The following ROBO2 variants were observed in gnomAD, a reference collection of about 807,000 sequenced individuals.
The protein encoded by ROBO2 is roundabout guidance receptor 2.
ROBO2 carries 53 observed loss-of-function variants against 160.8 expected under a neutral mutation model. That is an observed-to-expected ratio of 0.33 (90% CI 0.26 to 0.41). The LOEUF (loss-of-function observed/expected upper bound fraction) is 0.41, where lower values mean the gene tolerates loss of function less well. Ranked by LOEUF, ROBO2 falls within the 10% of genes least tolerant of loss-of-function variation. The pLI, the probability that ROBO2 is intolerant of heterozygous loss-of-function variation, is 1.00. For synonymous variants in ROBO2, 664 were observed against 611.7 expected, an observed-to-expected ratio of 1.09 and a Z score of -1.26; for missense variants, 1,577 against 1,722.4, an observed-to-expected ratio of 0.92 and a Z score of 1.49.
rs1395957905 is a variant in ROBO2 at position 77,016,177 on chromosome 3, C to T, written c.110-81837C>T. 3.3e-5 allele frequency among the ~76,000 whole-genome samples: 5 copies of T among 152,114 alleles called. No homozygotes were observed. In the East Asian group the frequency reaches 5.8e-4, roughly 18 times the overall value. On this transcript the variant is annotated intron_variant, in intron 2 of 26. Coordinates refer to the ROBO2 transcript ENST00000487694. ...ATTTTTAGTAGAGACGGGGTTTCAC[C>T]GTGTTAGCCAGGATGGTCTCCATCT...
At chr3:76,555,168 G>C (rs2083631552) in intron 2 of ROBO2, among the ~76,000 whole-genome samples, 1 of 151,946 alleles carries the variant, frequency 6.6e-6, no homozygotes, top group East Asian at 1.9e-4. Flanking sequence ...TCTATTCTAT[G>C]CAAACAATTT....
At chr3:77,297,450 G>A (rs898314941) in intron 2 of ROBO2, among the ~76,000 whole-genome samples, 1 of 152,088 alleles carries the variant, frequency 6.6e-6, no homozygotes, top group Non-Finnish European at 1.5e-5. Context: ...ACACCTTGAG[G>A]TATTTGCTTA....
chr3:76,309,047 G>T (rs1021588071), intron 2 of ROBO2, among the ~76,000 whole-genome samples: 1 of 151,970 alleles, frequency 6.6e-6, no homozygotes, highest in African/African-American at 2.4e-5. Context: ...AAAGGGCCAA[G>T]ACATTTTTTT....
chr3:77,248,348 A>T (rs2089967080), intron 2 of ROBO2, among the ~76,000 whole-genome samples: 1 of 152,098 alleles, frequency 6.6e-6, no homozygotes, highest in Non-Finnish European at 1.5e-5. Context: ...AAAAACTGTC[A>T]CACTGACCCT....
chr3:76,060,007 A>G (rs1454341479), intron 2 of ROBO2, among the ~76,000 whole-genome samples: 4 of 152,146 alleles, frequency 2.6e-5, no homozygotes, highest in Non-Finnish European at 5.9e-5. Flanking sequence ...CCATTGGTCT[A>G]TATCTCTGTT....
At chr3:76,443,558 T>C (rs1220544961) in intron 2 of ROBO2, among the ~76,000 whole-genome samples, 2 of 152,184 alleles carry the variant, frequency 1.3e-5, no homozygotes, top group African/African-American at 4.8e-5. Context: ...TAGGTCAGCA[T>C]AATTTATATC....
intron 2 of ROBO2, among the ~76,000 whole-genome samples, chr3:77,123,849 C>G (rs969148050): frequency 1.4e-5 from 2 of 147,952 alleles, no homozygotes; most frequent in African/African-American, 2.5e-5. Flanking sequence ...TATAATCTAT[C>G]TATATAGATA....
chr3:76,000,894 CTCTA>C (rs1380902006), intron 2 of ROBO2, among the ~76,000 whole-genome samples: 45 of 152,054 alleles, frequency 3.0e-4, no homozygotes, highest in African/African-American at 1.0e-3. Flanking sequence ...AGCTTATGCT[CTCTA>C]TCTTTTAGTA....
At chr3:77,604,445 G>A (rs1435420894) in intron 20 of ROBO2, among the ~76,000 whole-genome samples, 1 of 152,064 alleles carries the variant, frequency 6.6e-6, no homozygotes, top group African/African-American at 2.4e-5. Flanking sequence ...TATTCTATAT[G>A]TGTTGATTGC....
intron 2 of ROBO2, among the ~76,000 whole-genome samples, chr3:76,815,398 G>A (rs1438833817): frequency 2.0e-5 from 3 of 150,618 alleles, no homozygotes; most frequent in Admixed American, 2.0e-4. Flanking sequence ...GTAAATGTTT[G>A]AAAACCTGCT....
intron 2 of ROBO2, among the ~76,000 whole-genome samples, chr3:76,272,794 A>ATT (rs1553692964): frequency 2.0e-4 from 2 of 9,868 alleles, no homozygotes; most frequent in South Asian, 6.8e-3. Flanking sequence ...TATAAAATAT[A>ATT]TATATATAAA....
At chr3:76,280,777 G>T (rs1009547760) in intron 2 of ROBO2, among the ~76,000 whole-genome samples, 1 of 151,692 alleles carries the variant, frequency 6.6e-6, no homozygotes, top group African/African-American at 2.4e-5. Flanking sequence ...TATTTACTTT[G>T]AGTTCTTCCC....
intron 16 of ROBO2, among the ~76,000 whole-genome samples, chr3:77,587,605 C>A (rs1181026468): frequency 2.0e-5 from 3 of 151,980 alleles, no homozygotes; most frequent in Non-Finnish European, 4.4e-5. Flanking sequence ...TTGACAGGGG[C>A]TCTAGAAGAT....
chr3:76,153,645 G>A (rs1167315098), intron 2 of ROBO2, among the ~76,000 whole-genome samples: 1 of 152,110 alleles, frequency 6.6e-6, no homozygotes, highest in Non-Finnish European at 1.5e-5. Flanking sequence ...CAATCCTCAT[G>A]GCTTAACATA....
intron 2 of ROBO2, among the ~76,000 whole-genome samples, chr3:76,451,780 T>G (rs2077487644): frequency 6.6e-6 from 1 of 152,178 alleles, no homozygotes; most frequent in Admixed American, 6.6e-5. Context: ...CATTTATGAC[T>G]AAGAAAATTC....
chr3:76,436,538 C>G (rs1409228880), intron 2 of ROBO2, among the ~76,000 whole-genome samples: 6 of 152,104 alleles, frequency 3.9e-5, no homozygotes, highest in Non-Finnish European at 8.8e-5. Context: ...AGGACAAACA[C>G]TTACCAAAAT....
intron 13 of ROBO2, among the ~76,000 whole-genome samples, chr3:77,569,766 G>T: frequency 6.6e-6 from 1 of 151,524 alleles, no homozygotes; most frequent in East Asian, 2.0e-4. Flanking sequence ...GTTCCATGTT[G>T]TTACTCCTTA....
chr3:77,555,080 C>T (rs954756524), intron 8 of ROBO2, among the ~76,000 whole-genome samples: 2 of 151,944 alleles, frequency 1.3e-5, no homozygotes, highest in African/African-American at 4.8e-5. Flanking sequence ...AGCACTGAGG[C>T]AAGATCCTCC....
At chr3:76,436,290 C>A (rs189060908) in intron 2 of ROBO2, among the ~76,000 whole-genome samples, 2 of 151,992 alleles carry the variant, frequency 1.3e-5, no homozygotes, top group African/African-American at 4.8e-5. Flanking sequence ...CATGCTGGTG[C>A]GCTGCACCAT....
Sources: gnomAD v4.1 joint callset for allele counts (sites outside exome capture counted in the v4.1 genomes callset) on GRCh38, gnomAD v4.1.1 for gene constraint, MANE v1.5 for transcripts, NCBI Gene and HGNC (gene_info 2026-07-23, HGNC 2026-07-21) for gene names.